Variants in GRM8 observed in about 807,000 individuals in gnomAD.
GRM8 encodes metabotropic glutamate receptor 8.
In GRM8, 47 loss-of-function variants were observed where a neutral mutation model predicts 87.2. The ratio of observed to expected loss-of-function variants is 0.54; its 90% CI spans 0.43 to 0.69. GRM8 has a LOEUF of 0.69. Among genes scored for constraint, GRM8 ranks in the 30% least tolerant of loss-of-function variants. GRM8 has a pLI of 0.00. For synonymous variants in GRM8, 396 were observed against 404.5 expected, an observed-to-expected ratio of 0.98 and a Z score of 0.25; for missense variants, 1,019 against 1,139.2, an observed-to-expected ratio of 0.89 and a Z score of 1.52.
At chr7:126,752,527 G>A (rs1224990590) in intron 7 of GRM8, among the ~76,000 whole-genome samples, 2 of 152,086 alleles carry the variant, frequency 1.3e-5, no homozygotes, top group Non-Finnish European at 2.9e-5. Context: ...ACAGACTCAT[G>A]TAGAAGACAT....
chr7:126,521,813 C>A (rs1175569339), intron 9 of GRM8, among the ~76,000 whole-genome samples: 3 of 152,246 alleles, frequency 2.0e-5, no homozygotes, highest in African/African-American at 7.2e-5. Flanking sequence ...GCATCATTTA[C>A]AAATAATTTG....
chr7:127,025,935 T>C (rs1816737283), intron 3 of GRM8, among the ~76,000 whole-genome samples: 1 of 152,090 alleles, frequency 6.6e-6, no homozygotes, highest in Non-Finnish European at 1.5e-5. Context: ...ATGTACCATG[T>C]TGGTTTGCTG....
At chr7:126,658,837 C>G (rs1804822157) in intron 7 of GRM8, among the ~76,000 whole-genome samples, 1 of 151,954 alleles carries the variant, frequency 6.6e-6, no homozygotes, top group Admixed American at 6.6e-5. Context: ...GATGAAAAAA[C>G]GTACACAGAC....
chr7:126,875,291 C>T lies in GRM8; in HGVS notation c.1156+27251G>A, dbSNP rs1457499255. Among the ~76,000 whole-genome samples, 4 of 146,864 alleles carry T rather than the reference C, an allele frequency of 2.7e-5. No individual in the cohort carries two copies. The East Asian group carries it at 6.0e-4, about 22-fold the overall frequency. The stretch of plus-strand genomic sequence containing the variant: ...GTAATCAAAGAAGGAAAAAAAAAAA[C>T]AAACAGAATAAACTGTTAAAGGGCC... On this transcript the variant is annotated intron_variant, in intron 6 of 10. Transcript: ENST00000339582.
At chr7:126,971,214 T>C (rs558094665) in intron 3 of GRM8, among the ~76,000 whole-genome samples, 45 of 144,022 alleles carry the variant, frequency 3.1e-4, no homozygotes, top group African/African-American at 1.1e-3. Context: ...TAAAGTGAGG[T>C]GAGCCTGTAC....
At chr7:127,133,212 G>T (rs1315797612) in intron 2 of GRM8, among the ~76,000 whole-genome samples, 3 of 152,084 alleles carry the variant, frequency 2.0e-5, no homozygotes, top group African/African-American at 7.2e-5. Context: ...GAGGTCAGGA[G>T]TTTGAGACCA....
intron 7 of GRM8, among the ~76,000 whole-genome samples, chr7:126,686,759 G>C (rs1477477443): frequency 6.6e-6 from 1 of 152,182 alleles, no homozygotes; most frequent in African/African-American, 2.4e-5. Flanking sequence ...AGTGCACCCT[G>C]CCAGGCCAAG....
intron 7 of GRM8, among the ~76,000 whole-genome samples, chr7:126,702,841 T>C (rs1429227984): frequency 6.6e-6 from 1 of 152,198 alleles, no homozygotes; most frequent in Non-Finnish European, 1.5e-5. Context: ...GTTTCTGTTA[T>C]CTGTCACAGA....
chr7:126,592,645 G>A (rs1177150128), intron 8 of GRM8, among the ~76,000 whole-genome samples: 12 of 151,744 alleles, frequency 7.9e-5, no homozygotes, highest in Non-Finnish European at 1.8e-4. Context: ...GGTATAAAAA[G>A]CATGTACATC....
intron 6 of GRM8, among the ~76,000 whole-genome samples, chr7:126,786,297 T>G (rs1385462011): frequency 6.6e-6 from 1 of 152,214 alleles, no homozygotes; most frequent in African/African-American, 2.4e-5. Flanking sequence ...TTTTCTAGTT[T>G]CACCTACTCA....
At chr7:127,046,440 G>A (rs1285523186) in intron 3 of GRM8, among the ~76,000 whole-genome samples, 1 of 152,138 alleles carries the variant, frequency 6.6e-6, no homozygotes, top group Non-Finnish European at 1.5e-5. Context: ...GCTAGTTCTG[G>A]TACAGAAGAC....
intron 6 of GRM8, among the ~76,000 whole-genome samples, chr7:126,821,516 C>T (rs1367593689): frequency 2.0e-5 from 3 of 152,122 alleles, no homozygotes; most frequent in Admixed American, 6.5e-5. Context: ...TAGCATGGTC[C>T]CTGGCATATG....
intron 9 of GRM8, among the ~76,000 whole-genome samples, chr7:126,453,013 G>A (rs1039448123): frequency 1.3e-5 from 2 of 150,096 alleles, no homozygotes; most frequent in Non-Finnish European, 3.0e-5. Context: ...CGTCAGAAAC[G>A]CTTAACACTA....
intron 9 of GRM8, among the ~76,000 whole-genome samples, chr7:126,480,618 C>G (rs957712974): frequency 6.6e-6 from 1 of 152,026 alleles, no homozygotes; most frequent in East Asian, 1.9e-4. Flanking sequence ...AAGGTACAAT[C>G]AAGAAAACAG....
chr7:126,863,972 TTATA>T (rs552720153), intron 6 of GRM8, among the ~76,000 whole-genome samples: 1 of 150,952 alleles, frequency 6.6e-6, no homozygotes, highest in African/African-American at 2.4e-5. Context: ...TTTTTAATTA[TTATA>T]TATATAAACA....
intron 9 of GRM8, among the ~76,000 whole-genome samples, chr7:126,458,578 A>T (rs1406942011): frequency 6.6e-6 from 1 of 151,348 alleles, no homozygotes; most frequent in African/African-American, 2.4e-5. Flanking sequence ...AAATTTGATT[A>T]TACAATATAT....
intron 2 of GRM8, among the ~76,000 whole-genome samples, chr7:127,114,971 G>A (rs966679566): frequency 6.6e-6 from 1 of 152,134 alleles, no homozygotes; most frequent in East Asian, 1.9e-4. Flanking sequence ...GTCAGAGGTC[G>A]AGGTTGGCAG....
intron 2 of GRM8, among the ~76,000 whole-genome samples, chr7:127,233,742 T>C (rs1797829208): frequency 6.6e-6 from 1 of 152,162 alleles, no homozygotes; most frequent in Non-Finnish European, 1.5e-5. Context: ...TGAAGCGTCT[T>C]AGAGGGAGAC....
At chr7:127,106,055 G>T (rs751026048) in intron 3 of GRM8, among the ~76,000 whole-genome samples, 1 of 152,134 alleles carries the variant, frequency 6.6e-6, no homozygotes, top group Non-Finnish European at 1.5e-5. Context: ...TAGCCTTGAG[G>T]GCTACTTCAG....
Sources: allele counts gnomAD v4.1 joint callset (sites outside exome capture counted in the v4.1 genomes callset), GRCh38; gene constraint gnomAD v4.1.1; transcripts MANE v1.5; gene names NCBI Gene and HGNC (gene_info 2026-07-23, HGNC 2026-07-21).